TTC39B: variants seen among roughly 807,000 people sequenced by gnomAD.
TTC39B encodes the protein tetratricopeptide repeat domain 39B.
In TTC39B, 92 loss-of-function variants were observed where a neutral mutation model predicts 96.6. The observed-to-expected ratio is 0.95, with a 90% CI of 0.80 to 1.13. The LOEUF (loss-of-function observed/expected upper bound fraction) is 1.13, where lower values mean the gene tolerates loss of function less well. Among genes scored for constraint, TTC39B ranks in the 50% most tolerant of loss-of-function variants. TTC39B has a pLI of 0.00. For synonymous variants in TTC39B, 367 were observed against 299.4 expected (o/e 1.23, Z -2.33); for missense variants, 955 against 809.3 (o/e 1.18, Z -2.18).
At chr9:15,261,886 A>G (rs190363575) in intron 2 of TTC39B, among the ~76,000 whole-genome samples, 2 of 152,326 alleles carry the variant, frequency 1.3e-5, no homozygotes, top group East Asian at 3.9e-4. Flanking sequence ...ACACTGAGAA[A>G]AGGGACACTC....
At chr9:15,256,131 T>TA (rs1343083723) in intron 2 of TTC39B, among the ~76,000 whole-genome samples, 1 of 152,170 alleles carries the variant, frequency 6.6e-6, no homozygotes, top group African/African-American at 2.4e-5. Flanking sequence ...TAAATGGGAT[T>TA]AGTACCCTAA....
intron 2 of TTC39B, among the ~76,000 whole-genome samples, chr9:15,240,092 A>G (rs1165426454): frequency 6.6e-6 from 1 of 152,166 alleles, no homozygotes; most frequent in African/African-American, 2.4e-5. Flanking sequence ...CTCATGGCCG[A>G]TGATCAGAGG....
At chr9:15,266,941 G>T (rs948457538) in intron 2 of TTC39B, among the ~76,000 whole-genome samples, 1 of 152,166 alleles carries the variant, frequency 6.6e-6, no homozygotes, top group Non-Finnish European at 1.5e-5. Flanking sequence ...ATAGCCTGGC[G>T]TGGTGGCGGG....
At chr9:15,232,833 C>A (rs1281692879) in intron 2 of TTC39B, among the ~76,000 whole-genome samples, 1 of 152,148 alleles carries the variant, frequency 6.6e-6, no homozygotes, top group East Asian at 1.9e-4. Context: ...TTGGAGAGGC[C>A]GCCTAACGTT....
intron 2 of TTC39B, among the ~76,000 whole-genome samples, chr9:15,265,058 C>T (rs1823081604): frequency 6.6e-6 from 1 of 152,030 alleles, no homozygotes; most frequent in African/African-American, 2.4e-5. Flanking sequence ...TAAATTGTTT[C>T]CCTCATGGAC....
chr9:15,275,269 G>C (rs1823497860), intron 1 of TTC39B, among the ~76,000 whole-genome samples: 2 of 152,168 alleles, frequency 1.3e-5, no homozygotes, highest in African/African-American at 4.8e-5. Context: ...TTGAACTCCT[G>C]ACCTCAGGTG....
chr9:15,229,872 C>T, intron 2 of TTC39B, among the ~76,000 whole-genome samples: 1 of 152,134 alleles, frequency 6.6e-6, no homozygotes, highest in East Asian at 1.9e-4. Flanking sequence ...CACCTACATT[C>T]TTGTTTATGA....
chr9:15,292,431 A>G (rs10961961), intron 1 of TTC39B, among the ~76,000 whole-genome samples: 25,820 of 152,272 alleles, frequency 0.17, 2,565 homozygotes, highest in African/African-American at 0.28. Flanking sequence ...ACAATTATGT[A>G]TAGTACAGAA....
chr9:15,256,652 C>T (rs1385076185), intron 2 of TTC39B, among the ~76,000 whole-genome samples: 3 of 152,184 alleles, frequency 2.0e-5, no homozygotes, highest in African/African-American at 7.2e-5. Flanking sequence ...GGAAGACTAA[C>T]TGTTTTGGTG....
chr9:15,171,893 A>C (rs2118395845), exon 20 of TTC39B: 1 of 589,858 alleles, frequency 1.7e-6, no homozygotes, highest in Middle Eastern at 2.8e-4. Context: ...ATGATAGAAA[A>C]TATTGACCAA....
chr9:15,183,235 T>A (rs1188552368), intron 16 of TTC39B: 1 of 330,848 alleles, frequency 3.0e-6, no homozygotes, highest in African/African-American at 2.3e-5. Context: ...CAAAGGTATC[T>A]TTATCTTATG....
intron 2 of TTC39B, among the ~76,000 whole-genome samples, chr9:15,229,811 G>A (rs987780822): frequency 2.0e-5 from 3 of 151,832 alleles, no homozygotes; most frequent in Non-Finnish European, 2.9e-5. Flanking sequence ...AGCCAACTGG[G>A]GCAAGTTCTC....
chr9:15,206,031 C>T (rs767635461), intron 6 of TTC39B, among the ~76,000 whole-genome samples: 2 of 152,058 alleles, frequency 1.3e-5, no homozygotes, highest in Non-Finnish European at 2.9e-5. Context: ...TCTGAGCAGA[C>T]GGGTGGGCAG....
exon 8 of TTC39B, chr9:15,199,894 C>A: frequency 6.5e-7 from 1 of 1,544,030 alleles, no homozygotes; most frequent in South Asian, 1.2e-5. Flanking sequence ...AATTTTGAGT[C>A]CACCTTTGAT....
chr9:15,242,260 T>C (rs1822077224), intron 2 of TTC39B, among the ~76,000 whole-genome samples: 1 of 152,202 alleles, frequency 6.6e-6, no homozygotes, highest in Non-Finnish European at 1.5e-5. Flanking sequence ...TCTGATGGTC[T>C]AGACATACAC....
chr9:15,292,403 T>C (rs1344627154), intron 1 of TTC39B, among the ~76,000 whole-genome samples: 2 of 152,234 alleles, frequency 1.3e-5, no homozygotes, highest in Non-Finnish European at 2.9e-5. Context: ...CCAACAGTTA[T>C]ATAAAAGTAT....
chr9:15,183,471 A>G, intron 16 of TTC39B: 1 of 359,226 alleles, frequency 2.8e-6, no homozygotes, highest in South Asian at 2.1e-5. Context: ...GTACAAAAAA[A>G]AAAAAAAAAA....
At chr9:15,273,678 C>A (rs1823437940) in intron 1 of TTC39B, among the ~76,000 whole-genome samples, 1 of 152,154 alleles carries the variant, frequency 6.6e-6, no homozygotes, top group African/African-American at 2.4e-5. Flanking sequence ...AGGTGCCCAC[C>A]CCCACACAAC....
intron 1 of TTC39B, among the ~76,000 whole-genome samples, chr9:15,291,331 C>G (rs546657756): frequency 2.0e-5 from 3 of 152,310 alleles, no homozygotes; most frequent in South Asian, 2.1e-4. Flanking sequence ...CTCATGAGAT[C>G]TGATGGTTTT....
Sources: allele counts gnomAD v4.1 joint callset (sites outside exome capture counted in the v4.1 genomes callset), GRCh38; gene constraint gnomAD v4.1.1; transcripts MANE v1.5; gene names NCBI Gene and HGNC (gene_info 2026-07-23, HGNC 2026-07-21).